HS6ST2: variants seen among roughly 807,000 people sequenced by gnomAD.
The protein encoded by HS6ST2 is heparan sulfate 6-O-sulfotransferase 2, also known as heparan-sulfate 6-O-sulfotransferase 2.
In HS6ST2, 17 loss-of-function variants were observed where a neutral mutation model predicts 33.0. That is an observed-to-expected ratio of 0.52 (90% CI 0.35 to 0.77). The LOEUF (loss-of-function observed/expected upper bound fraction) is 0.77. Among genes scored for constraint, HS6ST2 ranks in the 30% least tolerant of loss-of-function variants. HS6ST2 has a pLI of 0.01. For missense variants in HS6ST2, 519 were observed against 551.7 expected (o/e 0.94, Z 0.59); for synonymous variants, 248 against 237.1 (o/e 1.05, Z -0.42).
chrX:132,906,317 T>C (rs1326795122), intron 2 of HS6ST2, among the ~76,000 whole-genome samples: 3 of 112,521 alleles, frequency 2.7e-5, no homozygotes, highest in Non-Finnish European at 5.6e-5. Context: ...TTATTTTTTG[T>C]ATATTGAAAT....
chrX:132,960,483 C>A (rs188548587), upstream of HS6ST2, among the ~76,000 whole-genome samples: 11 of 110,602 alleles, frequency 9.9e-5, no homozygotes, highest in East Asian at 3.2e-3. Flanking sequence ...AGCTAAACTA[C>A]GGAGTTTCTA....
chrX:132,646,137 C>G (rs1249132695), intron 4 of HS6ST2, among the ~76,000 whole-genome samples: 1 of 111,955 alleles, frequency 8.9e-6, no homozygotes. Flanking sequence ...CTTTCTACAA[C>G]ACCATAATGG....
chrX:132,853,644 G>T (rs2065826151), intron 2 of HS6ST2, among the ~76,000 whole-genome samples: 1 of 111,227 alleles, frequency 9.0e-6, no homozygotes, highest in Admixed American at 9.6e-5. Context: ...CATTATGATT[G>T]TAAGTGAATC....
chrX:132,684,765 C>A (rs2064002775), intron 3 of HS6ST2, among the ~76,000 whole-genome samples: 1 of 111,764 alleles, frequency 8.9e-6, no homozygotes, highest in South Asian at 3.8e-4. Flanking sequence ...CCAAAGGCTG[C>A]AAAGAAGCAC....
chrX:132,939,440 C>A (rs978035450), intron 2 of HS6ST2, among the ~76,000 whole-genome samples: 3 of 110,407 alleles, frequency 2.7e-5, no homozygotes, highest in Non-Finnish European at 5.7e-5. Context: ...GACTGGCCAA[C>A]ATGGTGAAAC....
intron 3 of HS6ST2, among the ~76,000 whole-genome samples, chrX:132,682,389 G>A (rs1197336748): frequency 8.9e-6 from 1 of 112,001 alleles, no homozygotes; most frequent in African/African-American, 3.2e-5. Flanking sequence ...GAAAGGAGAA[G>A]GCCCTGCAAG....
chrX:132,799,261 G>C (rs755398357), intron 2 of HS6ST2, among the ~76,000 whole-genome samples: 1 of 111,222 alleles, frequency 9.0e-6, no homozygotes, highest in Admixed American at 9.6e-5. Flanking sequence ...CTATGGAGTA[G>C]AACAGTGTTA....
intron 2 of HS6ST2, among the ~76,000 whole-genome samples, chrX:132,945,048 A>G (rs2066933746): frequency 8.9e-6 from 1 of 112,012 alleles, no homozygotes; most frequent in African/African-American, 3.2e-5. Context: ...AAAAGAAACT[A>G]CCATCAGAGT....
chrX:132,918,745 C>CTGT, intron 2 of HS6ST2, among the ~76,000 whole-genome samples: 1 of 111,501 alleles, frequency 9.0e-6, no homozygotes. Flanking sequence ...AACAGTCACC[C>CTGT]TGTTAATGGT....
chrX:132,751,336 A>G (rs1482160569), intron 2 of HS6ST2, among the ~76,000 whole-genome samples: 1 of 111,583 alleles, frequency 9.0e-6, no homozygotes, highest in African/African-American at 3.3e-5. Flanking sequence ...CTTCAGCTGC[A>G]CAATCAAAAA....
chrX:132,729,538 T>C (rs1372722141), intron 2 of HS6ST2, among the ~76,000 whole-genome samples: 5 of 111,735 alleles, frequency 4.5e-5, no homozygotes, highest in African/African-American at 1.3e-4. Context: ...ATTTTCTTCA[T>C]ATACTTCAAC....
At chrX:132,859,264 G>A (rs2065884662) in intron 2 of HS6ST2, among the ~76,000 whole-genome samples, 1 of 111,625 alleles carries the variant, frequency 9.0e-6, no homozygotes, top group Non-Finnish European at 1.9e-5. Context: ...AGCCACAGCA[G>A]AACTACAGTG....
chrX:132,699,508 T>C (rs2148238560), intron 3 of HS6ST2, among the ~76,000 whole-genome samples: 1 of 112,195 alleles, frequency 8.9e-6, no homozygotes, highest in East Asian at 2.8e-4. Context: ...CATTGTGTTA[T>C]TTTCAGAGAC....
intron 2 of HS6ST2, among the ~76,000 whole-genome samples, chrX:132,839,501 C>T (rs906019346): frequency 2.8e-5 from 3 of 108,455 alleles, no homozygotes; most frequent in African/African-American, 1.0e-4. Flanking sequence ...AATGTGCACA[C>T]ATGCACATAG....
At chrX:132,802,022 A>G (rs993847883) in intron 2 of HS6ST2, among the ~76,000 whole-genome samples, 12 of 112,207 alleles carry the variant, frequency 1.1e-4, no homozygotes, top group African/African-American at 3.9e-4. Flanking sequence ...AGTAGTTTAT[A>G]GATTTTAATT....
intron 2 of HS6ST2, among the ~76,000 whole-genome samples, chrX:132,721,250 T>G (rs1490988448): frequency 8.9e-6 from 1 of 111,782 alleles, no homozygotes; most frequent in Non-Finnish European, 1.9e-5. Flanking sequence ...TGCAATGGAA[T>G]AAAGCTAGAA....
chrX:132,727,243 G>C (rs181374943), intron 2 of HS6ST2, among the ~76,000 whole-genome samples: 2 of 102,605 alleles, frequency 1.9e-5, no homozygotes, highest in Admixed American at 1.0e-4. Flanking sequence ...TATTGGGGGG[G>C]GGGGCATAGA....
chrX:132,759,434 A>G (rs1391915507), intron 2 of HS6ST2, among the ~76,000 whole-genome samples: 1 of 111,231 alleles, frequency 9.0e-6, no homozygotes, highest in African/African-American at 3.3e-5. Flanking sequence ...CTCACTATCT[A>G]GCCTTCCTGA....
intron 2 of HS6ST2, among the ~76,000 whole-genome samples, chrX:132,809,395 A>C (rs1352685633): frequency 8.9e-6 from 1 of 112,416 alleles, no homozygotes; most frequent in Non-Finnish European, 1.9e-5. Flanking sequence ...AGAATCTCTG[A>C]GAATAGATCC....
Sources: allele counts gnomAD v4.1 joint callset (sites outside exome capture counted in the v4.1 genomes callset), GRCh38; gene constraint gnomAD v4.1.1; transcripts MANE v1.5; gene names NCBI Gene and HGNC (gene_info 2026-07-23, HGNC 2026-07-21).